SHOX: variants seen among roughly 807,000 people sequenced by gnomAD.
SHOX encodes the protein SHOX homeobox.
SHOX carries 12 observed loss-of-function variants against 29.6 expected under a neutral mutation model. The observed-to-expected ratio is 0.41, with a 90% CI of 0.26 to 0.66. The LOEUF (loss-of-function observed/expected upper bound fraction) is 0.66. SHOX is among the 30% of genes least tolerant of loss of function. The probability of loss-of-function intolerance (pLI) is 0.35; values close to 1 mark genes in which losing one functional copy is unlikely to be tolerated. For missense variants in SHOX, 499 were observed against 437.7 expected, an observed-to-expected ratio of 1.14 and a Z score of -1.25; for synonymous variants, 214 against 200.6, an observed-to-expected ratio of 1.07 and a Z score of -0.57.
downstream of SHOX, among the ~76,000 whole-genome samples, chrX:652,670 G>C (rs1416462861): frequency 1.3e-5 from 2 of 152,116 alleles, no homozygotes. Context: ...AGCTTCTCTT[G>C]GCCAGAGAAG....
In SHOX at chrX:651,410, CA is replaced by C. The variant is rs2053060967; in HGVS notation, c.*6775del. 3 of 412,194 alleles carry C rather than the reference CA, an allele frequency of 7.3e-6. No homozygotes were observed. The highest frequency in any genetic ancestry group is 5.0e-5 in the South Asian group (3 of 60,436). The allele number at this position is 412,194 out of a possible 1,614,324, so 25.5% of individuals were successfully genotyped here. ...GGTAGAAAAAAAACAAACAAACAAA[CA>C]GAAAAAAAAACCAAAAAAAACCACC... On this transcript the variant is annotated 3_prime_UTR_variant, in exon 5 of 5. Transcript: ENST00000686671.
chrX:632,188 G>A (rs2052663226), intron 1 of SHOX, among the ~76,000 whole-genome samples: 1 of 151,920 alleles, frequency 6.6e-6, no homozygotes, highest in Non-Finnish European at 1.5e-5. Flanking sequence ...CGGCTTCGCG[G>A]GCGCGTCCTA....
chrX:658,048 C>T (rs2053171375), intron 5 of SHOX, among the ~76,000 whole-genome samples: 1 of 152,024 alleles, frequency 6.6e-6, no homozygotes, highest in African/African-American at 2.4e-5. Flanking sequence ...GATCTCGGCT[C>T]ACTGCAACCT....
chrX:630,815 C>G lies in SHOX; in HGVS notation c.-83C>G, dbSNP rs773855244. The G allele has an allele frequency of 1.5e-5, 23 of 1,549,676 alleles. No homozygotes were observed. The South Asian group carries it at 2.3e-4, about 16-fold the overall frequency. ...CGTAAATAACAGCGCTGGTGATCCA[C>G]CCGCGCGCACGGGCCGTCCTCTCCG... On this transcript the variant is annotated 5_prime_UTR_variant, in exon 1 of 5. Coordinates refer to ENST00000686671, the MANE Select transcript of SHOX (RefSeq NM_000451.4).
chrX:634,264 C>T (rs1406115437), intron 1 of SHOX, among the ~76,000 whole-genome samples: 1 of 152,122 alleles, frequency 6.6e-6, no homozygotes, highest in Non-Finnish European at 1.5e-5. Context: ...GGGGATCCCA[C>T]AGTTGGCAGC....
chrX:630,230 ACT>A (rs1241530711), upstream of SHOX, among the ~76,000 whole-genome samples: 1 of 151,148 alleles, frequency 6.6e-6, no homozygotes, highest in East Asian at 2.0e-4. Flanking sequence ...CATCTCACCA[ACT>A]CTCCATCCAA....
chrX:634,553 A>AG, intron 1 of SHOX, 65 bp from the exon 2 acceptor site: 3 of 1,561,832 alleles, frequency 1.9e-6, no homozygotes, highest in Admixed American at 1.8e-5. Flanking sequence ...GGATGCACGA[A>AG]GGGGTTCGCC....
chrX:648,653 G>T lies in SHOX; in HGVS notation c.*4017G>T, dbSNP rs923856967. The stretch of plus-strand genomic sequence containing the variant: ...AATGGGTCCCCGAAGCAGATCAAAC[G>T]CAGAGAACTGTGAGGGTGGGACACG... On this transcript the variant is annotated 3_prime_UTR_variant, in exon 5 of 5. Coordinates refer to ENST00000686671, the MANE Select transcript of SHOX (RefSeq NM_000451.4). Among the ~76,000 whole-genome samples the T allele has an allele frequency of 1.3e-5, 2 of 152,198 alleles. No individual in the cohort carries two copies. Among genetic ancestry groups the T allele is most frequent in the South Asian group, 4.2e-4 (2 of 4,814 alleles).
upstream of SHOX, among the ~76,000 whole-genome samples, chrX:629,607 C>A (rs538162014): frequency 9.2e-5 from 14 of 152,194 alleles, no homozygotes; most frequent in African/African-American, 2.6e-4. Flanking sequence ...CTTACACACA[C>A]CCCAACCCAC....
At chrX:637,097 C>T (rs2052773870) in intron 2 of SHOX, among the ~76,000 whole-genome samples, 1 of 151,780 alleles carries the variant, frequency 6.6e-6, no homozygotes, top group Non-Finnish European at 1.5e-5. Flanking sequence ...CAAAGCGATA[C>T]AGCCCAGGAG....
chrX:639,315 C>G (rs989123673), intron 2 of SHOX, among the ~76,000 whole-genome samples: 4 of 152,180 alleles, frequency 2.6e-5, no homozygotes, highest in Non-Finnish European at 4.4e-5. Context: ...GAATGGGACC[C>G]TTTCATGTAT....
chrX:657,259 G>C (rs2053161358), intron 5 of SHOX, among the ~76,000 whole-genome samples: 1 of 152,188 alleles, frequency 6.6e-6, no homozygotes, highest in African/African-American at 2.4e-5. Context: ...CTGAGGAACT[G>C]TTTCTGAGCC....
downstream of SHOX, among the ~76,000 whole-genome samples, chrX:656,296 G>A (rs1295735509): frequency 6.8e-6 from 1 of 146,010 alleles, no homozygotes; most frequent in African/African-American, 2.6e-5. Flanking sequence ...CAAAAATTTA[G>A]CCAGCTGTGC....
intron 1 of SHOX, among the ~76,000 whole-genome samples, chrX:633,688 C>T (rs2052688171): frequency 6.6e-6 from 1 of 152,068 alleles, no homozygotes. Context: ...AGGGACATCT[C>T]ATTAGGGCAT....
intron 1 of SHOX, among the ~76,000 whole-genome samples, chrX:633,409 G>T (rs28475531): frequency 6.6e-6 from 1 of 150,664 alleles, no homozygotes; most frequent in African/African-American, 2.4e-5. Context: ...TTGCAGGCAC[G>T]TGTCTGATAG....
rs1344870775 is a variant in SHOX, at chrX:650,854, C to T, written c.*6218C>T. Among the ~76,000 whole-genome samples, 1 of 141,424 alleles carries T rather than the reference C, an allele frequency of 7.1e-6. No individual in the cohort carries two copies. Among genetic ancestry groups the T allele is most frequent in the Non-Finnish European group, 1.5e-5 (1 of 66,092 alleles). The allele number at this position is 141,424 out of a possible 152,430, so 92.8% of individuals were successfully genotyped here. On this transcript the variant is annotated 3_prime_UTR_variant, in exon 5 of 5. Transcript: ENST00000686671. Reference sequence around the variant, plus strand: ...AATTTATTAAAGAGAATTAGCTTAGCGAGTATATGCTGATATTCTTCGACA... The same window carrying T: ...AATTTATTAAAGAGAATTAGCTTAGTGAGTATATGCTGATATTCTTCGACA...
rs1157496116 is a variant in SHOX at position 651,195 on chromosome X, T to G, written c.*6559T>G. 4.8e-6 allele frequency: 2 copies of G among 420,080 alleles called. No homozygotes were observed. Among genetic ancestry groups the G allele is most frequent in the Non-Finnish European group, 9.6e-6 (2 of 208,664 alleles). 26.0% of individuals were successfully genotyped at this position (420,080 alleles called of 1,614,324 possible). ...TGACATCGCGTTGCATTTATTTTTA[T>G]ATTTCTGAAAACTGTTGCTTTTTCT... On this transcript the variant is annotated 3_prime_UTR_variant, in exon 5 of 5. Coordinates refer to ENST00000686671, the MANE Select transcript of SHOX (RefSeq NM_000451.4).
Position 644,797 on chromosome X carries a change from G to T in SHOX, c.*161G>T. Reference sequence around the variant, plus strand: ...GAGGCCTGAGGAGGGAGGCTCCCGGGACCGTCCACGCACGACCCAGCCAGA... The same window carrying T: ...GAGGCCTGAGGAGGGAGGCTCCCGGTACCGTCCACGCACGACCCAGCCAGA... On this transcript the variant is annotated 3_prime_UTR_variant, in exon 5 of 5. Coordinates refer to ENST00000686671, the MANE Select transcript of SHOX (RefSeq NM_000451.4). 1 of 982,646 alleles carries T rather than the reference G, an allele frequency of 1.0e-6. No individual in the cohort carries two copies. Among genetic ancestry groups the T allele is most frequent in the Admixed American group, 4.2e-5 (1 of 23,592 alleles). 60.9% of individuals were successfully genotyped at this position (982,646 alleles called of 1,614,324 possible). A position where few individuals can be genotyped will look rare whatever the true frequency, so the allele number is the denominator to read the frequency against.
Position 644,648 on chromosome X carries a change from G to A in SHOX, c.*12G>A. ...CCCTGGGGCTCTGACCCGCCGCGCA[G>A]CCCCCCGCGCGCCCGGACTCCCGGG... On this transcript the variant is annotated 3_prime_UTR_variant, in exon 5 of 5. Transcript: ENST00000686671. 1 of 1,446,166 alleles carries A rather than the reference G, an allele frequency of 6.9e-7. No individual in the cohort carries two copies. The highest frequency in any genetic ancestry group is 2.8e-5 in the Admixed American group (1 of 35,768). The allele number at this position is 1,446,166 out of a possible 1,614,324, so 89.6% of individuals were successfully genotyped here. A position where few individuals can be genotyped will look rare whatever the true frequency, so the allele number is the denominator to read the frequency against.
Sources: allele counts gnomAD v4.1 joint callset (sites outside exome capture counted in the v4.1 genomes callset), GRCh38; gene constraint gnomAD v4.1.1; transcripts MANE v1.5; gene names NCBI Gene and HGNC (gene_info 2026-07-23, HGNC 2026-07-21).